EXOC5: variants seen among roughly 807,000 people sequenced by gnomAD.
EXOC5 encodes the protein SEC10-like 1.
Under a neutral mutation model 90.8 loss-of-function variants are expected in EXOC5, and 17 were observed. The observed-to-expected ratio is 0.19, with a 90% CI of 0.13 to 0.28. The LOEUF is 0.28. EXOC5 is among the 10% of genes least tolerant of loss of function. The pLI is 1.00. For synonymous variants in EXOC5, 260 were observed against 270.0 expected (o/e 0.96, Z 0.36); for missense variants, 569 against 830.6 (o/e 0.69, Z 3.87).
At chr14:57,265,791 A>G (rs1884653584) in intron 1 of EXOC5, among the ~76,000 whole-genome samples, 2 of 152,240 alleles carry the variant, frequency 1.3e-5, no homozygotes, top group Admixed American at 1.3e-4. Flanking sequence ...ATTTATCTAC[A>G]CCACATAAGA....
At chr14:57,266,725 G>A (rs867153779) in intron 1 of EXOC5, among the ~76,000 whole-genome samples, 1 of 96,144 alleles carries the variant, frequency 1.0e-5, no homozygotes, top group East Asian at 2.5e-4. Context: ...ATATGTGTAT[G>A]TGTGTGTGTG....
At chr14:57,213,757 C>T (rs1054085035) in intron 15 of EXOC5, among the ~76,000 whole-genome samples, 32 of 151,806 alleles carry the variant, frequency 2.1e-4, no homozygotes, top group Admixed American at 2.0e-3. Context: ...TCACTTGAGG[C>T]CAGGAGTTTG....
chr14:57,241,145 C>T (rs191343202), intron 4 of EXOC5, among the ~76,000 whole-genome samples: 2 of 152,288 alleles, frequency 1.3e-5, no homozygotes, highest in East Asian at 1.9e-4. Flanking sequence ...TGAGACACCA[C>T]GCCCTGCCCA....
In EXOC5 at chr14:57,264,854, T is replaced by A. The variant is rs529550485; in HGVS notation, c.27+3768A>T. ...TTGAAACCATTTATAACCTTATTTTTAAGAGTATAGTATCATATATCCACC... is the reference window on the plus strand; with the variant it reads ...TTGAAACCATTTATAACCTTATTTTAAAGAGTATAGTATCATATATCCACC... On this transcript the variant is annotated intron_variant, in intron 1 of 17. Transcript: ENST00000621441. Among the ~76,000 whole-genome samples, 30 of 152,334 alleles carry A rather than the reference T, an allele frequency of 2.0e-4. No homozygotes were observed. The East Asian group carries it at 5.6e-3, about 28-fold the overall frequency.
chr14:57,252,235 G>A (rs1884218210), intron 1 of EXOC5, among the ~76,000 whole-genome samples: 1 of 152,166 alleles, frequency 6.6e-6, no homozygotes, highest in African/African-American at 2.4e-5. Context: ...ATACACGAAA[G>A]CCATACAAAG....
intron 15 of EXOC5, among the ~76,000 whole-genome samples, chr14:57,212,400 G>A (rs546149463): frequency 1.4e-4 from 21 of 152,260 alleles, no homozygotes; most frequent in South Asian, 6.2e-4. Context: ...TTAGCATAAC[G>A]GTGGACCCAA....
At chr14:57,222,520 G>A (rs1404553259) in intron 12 of EXOC5, 104 bp from the exon 13 acceptor site, 1 of 560,794 alleles carries the variant, frequency 1.8e-6, no homozygotes, top group Admixed American at 3.4e-5. Context: ...CAGTGTTTCA[G>A]GTATGAAAAT....
At position 57,202,467 on chromosome 14, in the gene EXOC5, G is replaced by A. The variant is rs1167874556; in HGVS notation, c.*6142C>T. Reference sequence around the variant, plus strand: ...GTATTGGAGGGTGGTGCAGCATCATGACAGCGACTTATTCTCAAAAGGGAA... The same window carrying A: ...GTATTGGAGGGTGGTGCAGCATCATAACAGCGACTTATTCTCAAAAGGGAA... On this transcript the variant is annotated 3_prime_UTR_variant, in exon 18 of 18. Transcript: ENST00000621441. 2 of 152,200 alleles carry A rather than the reference G, an allele frequency of 1.3e-5. No homozygotes were observed. Among genetic ancestry groups the A allele is most frequent in the Non-Finnish European group, 2.9e-5 (2 of 68,030 alleles). 9.4% of individuals were successfully genotyped at this position (152,200 alleles called of 1,614,324 possible). A position where few individuals can be genotyped will look rare whatever the true frequency, so the allele number is the denominator to read the frequency against.
rs952356814 is a variant in EXOC5 at position 57,204,926 on chromosome 14, A to G, written c.*3683T>C. ...CAAAACTAATGAACCTATCAAACTA[A>G]AGGATCTATTTAACGTTACGTAAGG... On this transcript the variant is annotated 3_prime_UTR_variant, in exon 18 of 18. Transcript: ENST00000621441. 2 of 152,058 alleles carry G rather than the reference A, an allele frequency of 1.3e-5. No individual in the cohort carries two copies. Among genetic ancestry groups the G allele is most frequent in the African/African-American group, 2.4e-5 (1 of 41,436 alleles). 9.4% of individuals were successfully genotyped at this position (152,058 alleles called of 1,614,324 possible).
intron 1 of EXOC5, among the ~76,000 whole-genome samples, chr14:57,258,553 A>G (rs967327878): frequency 4.6e-5 from 7 of 152,138 alleles, no homozygotes; most frequent in African/African-American, 1.7e-4. Context: ...GTCAGAGGGT[A>G]ATGGACTAGG....
intron 13 of EXOC5, among the ~76,000 whole-genome samples, chr14:57,220,591 A>G (rs571011169): frequency 6.6e-6 from 1 of 152,030 alleles, no homozygotes; most frequent in Non-Finnish European, 1.5e-5. Flanking sequence ...CTTGGAGCCA[A>G]GAGTTCAAAA....
intron 15 of EXOC5, among the ~76,000 whole-genome samples, chr14:57,211,126 G>C (rs1228812979): frequency 2.0e-5 from 3 of 152,144 alleles, no homozygotes; most frequent in African/African-American, 7.2e-5. Context: ...GTTCTGTTAT[G>C]AATGTACACT....
intron 1 of EXOC5, 47 bp from the exon 2 acceptor site, chr14:57,247,759 C>T (rs1325854358): frequency 3.4e-6 from 3 of 880,182 alleles, no homozygotes; most frequent in African/African-American, 3.5e-5. Context: ...TATACAAGTA[C>T]TTAATATTAC....
chr14:57,247,408 CT>C (rs1884062991), intron 2 of EXOC5, among the ~76,000 whole-genome samples: 1 of 152,072 alleles, frequency 6.6e-6, no homozygotes, highest in Non-Finnish European at 1.5e-5. Flanking sequence ...AATAAAATTA[CT>C]TCCTGCATAC....
At chr14:57,263,495 C>T (rs1008384456) in intron 1 of EXOC5, among the ~76,000 whole-genome samples, 7 of 151,576 alleles carry the variant, frequency 4.6e-5, no homozygotes, top group Admixed American at 1.3e-4. Flanking sequence ...TGGCCAGGCA[C>T]GGTGGCTCAC....
intron 1 of EXOC5, among the ~76,000 whole-genome samples, chr14:57,255,882 T>G (rs1466962749): frequency 6.7e-6 from 1 of 149,338 alleles, no homozygotes; most frequent in African/African-American, 2.5e-5. Context: ...AGATGCAGTA[T>G]ATATTCTGAA....
At chr14:57,211,909 C>T (rs1054578129) in intron 15 of EXOC5, among the ~76,000 whole-genome samples, 23 of 152,026 alleles carry the variant, frequency 1.5e-4, no homozygotes, top group Non-Finnish European at 4.4e-5. Context: ...CATCACCAGG[C>T]TGGAATGCAG....
chr14:57,211,870 A>C (rs368823192), intron 15 of EXOC5, among the ~76,000 whole-genome samples: 2 of 152,090 alleles, frequency 1.3e-5, no homozygotes, highest in South Asian at 2.1e-4. Context: ...GTCTCCAAAA[A>C]AAAAGTGTTC....
intron 3 of EXOC5, among the ~76,000 whole-genome samples, chr14:57,245,645 A>C (rs1884011005): frequency 1.3e-5 from 2 of 152,202 alleles, no homozygotes; most frequent in Admixed American, 6.6e-5. Context: ...TATGTTTAAG[A>C]AAAGGAATCT....
Sources: allele counts gnomAD v4.1 joint callset (sites outside exome capture counted in the v4.1 genomes callset), GRCh38; gene constraint gnomAD v4.1.1; transcripts MANE v1.5; gene names NCBI Gene and HGNC (gene_info 2026-07-23, HGNC 2026-07-21).